CFI: variants seen among roughly 807,000 people sequenced by gnomAD.
CFI encodes the protein complement factor I, also known as C3B/C4B inactivator.
Under a neutral mutation model 78.8 loss-of-function variants are expected in CFI, and 66 were observed. That is an observed-to-expected ratio of 0.84 (90% CI 0.69 to 1.03). CFI has a LOEUF of 1.03. Ranked by LOEUF, CFI falls within the 50% of genes least tolerant of loss-of-function variation. The pLI, the probability that CFI is intolerant of heterozygous loss-of-function variation, is 0.00. For missense variants in CFI, 706 were observed against 704.5 expected (o/e 1.00, Z -0.02); for synonymous variants, 250 against 232.6 (o/e 1.07, Z -0.68).
At chr4:109,795,730 G>C (rs955654736) in intron 1 of CFI, among the ~76,000 whole-genome samples, 20 of 152,258 alleles carry the variant, frequency 1.3e-4, no homozygotes, top group Non-Finnish European at 2.6e-4. Context: ...GAAAAATTCA[G>C]TAGAGAGCTC....
At chr4:109,772,667 C>A (rs12498247) in intron 1 of CFI, among the ~76,000 whole-genome samples, 34,271 of 151,416 alleles carry the variant, frequency 0.23, 4,619 homozygotes, top group Admixed American at 0.35. Context: ...TAATCCTAAA[C>A]TCATAGGCTC....
At chr4:109,758,781 A>C (rs555585125) in intron 6 of CFI, among the ~76,000 whole-genome samples, 4 of 152,342 alleles carry the variant, frequency 2.6e-5, no homozygotes, top group East Asian at 1.9e-4. Context: ...CAGGAAATAC[A>C]TGCAAGACTC....
intron 11 of CFI, among the ~76,000 whole-genome samples, chr4:109,745,168 TTCC>T (rs1579161352): frequency 6.6e-6 from 1 of 152,122 alleles, no homozygotes; most frequent in African/African-American, 2.4e-5. Context: ...AGGTTAAATC[TTCC>T]TTTTTTTCTG....
chr4:109,800,741 A>G (rs1380043549), intron 1 of CFI, among the ~76,000 whole-genome samples: 1 of 152,168 alleles, frequency 6.6e-6, no homozygotes, highest in Non-Finnish European at 1.5e-5. Context: ...ATAAGTAGGT[A>G]TAAGTATGCA....
chr4:109,774,809 G>A (rs767425366), intron 1 of CFI, among the ~76,000 whole-genome samples: 1 of 152,284 alleles, frequency 6.6e-6, no homozygotes, highest in East Asian at 1.9e-4. Context: ...GTTCTGCTCT[G>A]ATCTTGGTTA....
At chr4:109,742,733 G>A (rs917898565) in intron 11 of CFI, 138 bp from the exon 12 acceptor site, 3 of 643,380 alleles carry the variant, frequency 4.7e-6, no homozygotes, top group Non-Finnish European at 8.2e-6. Context: ...CTCTTCCTTA[G>A]CGTGTTTAAT....
chr4:109,798,334 A>G (rs1159232493), intron 1 of CFI, among the ~76,000 whole-genome samples: 1 of 152,220 alleles, frequency 6.6e-6, no homozygotes, highest in African/African-American at 2.4e-5. Context: ...TTACATGCAC[A>G]CACAAAATAA....
intron 10 of CFI, among the ~76,000 whole-genome samples, chr4:109,747,360 A>T (rs1724603413): frequency 7.7e-5 from 1 of 12,950 alleles, no homozygotes; most frequent in Non-Finnish European, 8.1e-4. Flanking sequence ...AATTTAAAAA[A>T]ATTTTTTTGT....
chr4:109,737,186 T>C (rs368013098), downstream of CFI, among the ~76,000 whole-genome samples: 12 of 152,198 alleles, frequency 7.9e-5, no homozygotes, highest in East Asian at 1.9e-3. Flanking sequence ...AGCTTGAACT[T>C]CCTAGAATCC....
chr4:109,751,906 T>C (rs1375589668), intron 8 of CFI, among the ~76,000 whole-genome samples: 2 of 152,236 alleles, frequency 1.3e-5, no homozygotes, highest in Non-Finnish European at 2.9e-5. Flanking sequence ...TAAGTTTTTA[T>C]AGCTAATACA....
At chr4:109,753,746 CTAATGTATAATT>C (rs1725705994) in intron 7 of CFI, among the ~76,000 whole-genome samples, 1 of 116,144 alleles carries the variant, frequency 8.6e-6, no homozygotes, top group African/African-American at 3.5e-5. Flanking sequence ...TATATATTAT[CTAATGTATAATT>C]TTATATTATA....
At chr4:109,749,425 A>T in intron 9 of CFI, 74 bp downstream of exon 9, 1 of 1,479,018 alleles carries the variant, frequency 6.8e-7, no homozygotes, top group Non-Finnish European at 9.5e-7. Context: ...TAATTACATC[A>T]TCCTCCTGCC....
intron 7 of CFI, among the ~76,000 whole-genome samples, chr4:109,754,973 C>T (rs189910223): frequency 1.8e-4 from 27 of 152,248 alleles, no homozygotes; most frequent in Admixed American, 1.8e-3. Flanking sequence ...ACAAATCTCA[C>T]ATGGATAGAG....
chr4:109,749,076 G>C, intron 10 of CFI, 142 bp downstream of exon 10: 1 of 832,312 alleles, frequency 1.2e-6, no homozygotes, highest in South Asian at 1.4e-5. Flanking sequence ...AATTCCAGTC[G>C]CGAATACCAG....
At chr4:109,744,277 G>A (rs1049484712) in intron 11 of CFI, among the ~76,000 whole-genome samples, 6 of 152,170 alleles carry the variant, frequency 3.9e-5, no homozygotes, top group African/African-American at 1.2e-4. Flanking sequence ...ATCTGGTGAA[G>A]ATATATACTG....
At chr4:109,793,489 A>C (rs1731635996) in intron 1 of CFI, 2 of 152,244 alleles carry the variant, frequency 1.3e-5, no homozygotes, top group Non-Finnish European at 2.9e-5. Context: ...CTTTCACTGC[A>C]GTATGCAGGG....
chr4:109,754,636 CTG>C (rs966526361), intron 7 of CFI, among the ~76,000 whole-genome samples: 5 of 152,026 alleles, frequency 3.3e-5, no homozygotes, highest in African/African-American at 1.2e-4. Flanking sequence ...TGCTGCAATC[CTG>C]TGTCTTCTCA....
At chr4:109,776,376 T>C (rs1335922485) in intron 1 of CFI, among the ~76,000 whole-genome samples, 13 of 152,100 alleles carry the variant, frequency 8.5e-5, no homozygotes, top group Admixed American at 8.5e-4. Context: ...GTATCAATGA[T>C]TGAAGATCAA....
At chr4:109,738,502 T>C (rs1275525471), downstream of CFI, among the ~76,000 whole-genome samples, 1 of 152,180 alleles carries the variant, frequency 6.6e-6, no homozygotes, top group African/African-American at 2.4e-5. Context: ...TTTTCAAATA[T>C]GTCCATAAAT....
Sources: allele counts gnomAD v4.1 joint callset (sites outside exome capture counted in the v4.1 genomes callset), GRCh38; gene constraint gnomAD v4.1.1; transcripts MANE v1.5; gene names NCBI Gene and HGNC (gene_info 2026-07-23, HGNC 2026-07-21).